The following SAMD8 variants were observed in gnomAD, a reference collection of about 807,000 sequenced individuals.
SAMD8 encodes sterile alpha motif domain containing 8.
SAMD8 carries 20 observed loss-of-function variants against 42.0 expected under a neutral mutation model. The observed-to-expected ratio is 0.48, with a 90% CI of 0.34 to 0.69. The LOEUF is 0.69. Ranked by LOEUF, SAMD8 falls within the 30% of genes least tolerant of loss-of-function variation. The probability of loss-of-function intolerance (pLI) is 0.01; values close to 1 mark genes in which losing one functional copy is unlikely to be tolerated. For missense variants in SAMD8, 328 were observed against 511.6 expected (o/e 0.64, Z 3.46); for synonymous variants, 162 against 173.0 (o/e 0.94, Z 0.50).
intron 3 of SAMD8, among the ~76,000 whole-genome samples, chr10:75,167,226 G>A (rs572340504): frequency 4.6e-5 from 7 of 152,030 alleles, no homozygotes; most frequent in Non-Finnish European, 5.9e-5. Context: ...ATGAGTATTC[G>A]ATAGCTACTA....
chr10:75,164,458 T>C, intron 2 of SAMD8, 187 bp from the exon 3 acceptor site: 1 of 966,278 alleles, frequency 1.0e-6, no homozygotes, highest in Non-Finnish European at 1.2e-6. Context: ...AAGAAACAGG[T>C]TCCGATAGGT....
chr10:75,128,576 T>C (rs570302977), intron 1 of SAMD8, among the ~76,000 whole-genome samples: 15 of 152,276 alleles, frequency 9.9e-5, no homozygotes, highest in Non-Finnish European at 2.1e-4. Flanking sequence ...AGAATACATA[T>C]GGTATTGTTC....
chr10:75,167,598 T>C (rs1840718323), intron 3 of SAMD8, among the ~76,000 whole-genome samples: 1 of 152,196 alleles, frequency 6.6e-6, no homozygotes, highest in South Asian at 2.1e-4. Flanking sequence ...TTTTGTTTTT[T>C]ATTTTTATTT....
At position 75,115,872 on chromosome 10, in the gene SAMD8, C is replaced by T. The variant is rs193112854; in HGVS notation, c.-16+4150C>T. On this transcript the variant is annotated intron_variant, in intron 1 of 5. Coordinates refer to ENST00000542569, the MANE Select transcript of SAMD8 (RefSeq NM_001174156.2). ...AGGAGAATGGCATGAACCCGAGAGG[C>T]GGAGCTTGCAGTGAGCGGAGATCAC... Among the ~76,000 whole-genome samples, 682 of 145,656 alleles carry T rather than the reference C, an allele frequency of 4.7e-3. 17 individuals carry two copies. The highest frequency in any genetic ancestry group is 9.7e-4 in the Non-Finnish European group (65 of 67,054).
intron 1 of SAMD8, among the ~76,000 whole-genome samples, chr10:75,148,644 C>T (rs1267033676): frequency 6.6e-6 from 1 of 152,138 alleles, no homozygotes; most frequent in Non-Finnish European, 1.5e-5. Flanking sequence ...TGAGCCACCG[C>T]GCCCGGCCGC....
chr10:75,108,859 A>AC, upstream of SAMD8: 1 of 1,032,588 alleles, frequency 9.7e-7, no homozygotes, highest in Non-Finnish European at 1.3e-6. Flanking sequence ...TGACCTCAGC[A>AC]CCCCCGGGGG....
chr10:75,100,812 C>A, intron 1 of SAMD8, among the ~76,000 whole-genome samples: 1 of 152,340 alleles, frequency 6.6e-6, no homozygotes, highest in Middle Eastern at 3.4e-3. Context: ...GTCACTCCCC[C>A]GTTTGCCTCT....
At chr10:75,151,296 G>A (rs1840282398) in intron 2 of SAMD8, among the ~76,000 whole-genome samples, 190 bp downstream of exon 2, 2 of 152,118 alleles carry the variant, frequency 1.3e-5, no homozygotes, top group African/African-American at 2.4e-5. Context: ...AAGCCTAGGT[G>A]TGTGAGAAAA....
At chr10:75,168,481 C>T in intron 3 of SAMD8, 60 bp from the exon 4 acceptor site, 2 of 1,590,882 alleles carry the variant, frequency 1.3e-6, no homozygotes. Context: ...TATTTGATGC[C>T]TGGGGTTTTT....
chr10:75,102,565 T>C (rs1330396507), intron 1 of SAMD8, among the ~76,000 whole-genome samples: 1 of 152,196 alleles, frequency 6.6e-6, no homozygotes, highest in Non-Finnish European at 1.5e-5. Flanking sequence ...CCCGACACTT[T>C]GGGAGGCTGA....
Position 75,168,646 on chromosome 10 carries a change from G to A in SAMD8, c.780G>A (p.Gln260=). The A allele has an allele frequency of 6.2e-7, 1 of 1,607,294 alleles. No individual in the cohort carries two copies. Among genetic ancestry groups the A allele is most frequent in the Non-Finnish European group, 8.5e-7 (1 of 1,173,772 alleles). ...TSLSVPGQHL[Q]CTGKIYGSVW... ...TCTCCGTGCCAGGACAACACCTGCA[G>A]TGTACTGGAAAGGTAGCCTGCTACC... The change falls in exon 4 of 6, where the codon CAG becomes CAA. Residue 260 remains glutamine, a synonymous_variant. Coordinates refer to ENST00000542569, the MANE Select transcript of SAMD8 (RefSeq NM_001174156.2).
chr10:75,109,193 C>T (rs551164523), upstream of SAMD8: 3 of 1,517,988 alleles, frequency 2.0e-6, no homozygotes, highest in African/African-American at 2.8e-5. Context: ...TCTGTGGTCA[C>T]TCCTCTCTGC....
At chr10:75,166,146 T>A (rs1462516723) in intron 3 of SAMD8, among the ~76,000 whole-genome samples, 1 of 152,070 alleles carries the variant, frequency 6.6e-6, no homozygotes, top group Non-Finnish European at 1.5e-5. Context: ...TATTTACTTT[T>A]ACTGCTTCTT....
intron 1 of SAMD8, among the ~76,000 whole-genome samples, chr10:75,120,632 A>G (rs1341064285): frequency 2.0e-5 from 3 of 152,176 alleles, no homozygotes; most frequent in African/African-American, 4.8e-5. Flanking sequence ...ATTAATAGTT[A>G]AATTTTATGT....
intron 1 of SAMD8, among the ~76,000 whole-genome samples, chr10:75,143,036 C>T (rs1011509574): frequency 2.0e-5 from 3 of 150,970 alleles, no homozygotes; most frequent in Admixed American, 6.7e-5. Context: ...CGGCTGGGCG[C>T]GGTGGCTCAC....
At chr10:75,111,330 T>C (rs117827640), upstream of SAMD8, 84 of 395,542 alleles carry the variant, frequency 2.1e-4, 1 homozygote, top group East Asian at 1.8e-3. Context: ...CTTCCTCCTG[T>C]CGCTTTGGCC....
In SAMD8 at chr10:75,150,644, T is replaced by A. The variant is rs1840268249; in HGVS notation, c.116T>A (p.Leu39His). The A allele has an allele frequency of 6.2e-7, 1 of 1,614,138 alleles. No individual in the cohort carries two copies. Among genetic ancestry groups the A allele is most frequent in the African/African-American group, 1.3e-5 (1 of 74,940 alleles). ...GACATTTTATGCAATAAGCACCGAC[T>A]TGATGGAATCACATTGCTAACATTG... ...YVDILCNKHRLDGITLLTLTE... is the reference protein window; with the variant it reads ...YVDILCNKHRHDGITLLTLTE... Residue 39 changes from leucine (L) to histidine (H), a missense_variant, in exon 2 of 6, where the codon CTT (leucine) becomes CAT (histidine). Coordinates refer to ENST00000542569, the MANE Select transcript of SAMD8 (RefSeq NM_001174156.2).
At chr10:75,103,622 T>C (rs1462596637) in intron 1 of SAMD8, among the ~76,000 whole-genome samples, 1 of 152,196 alleles carries the variant, frequency 6.6e-6, no homozygotes, top group African/African-American at 2.4e-5. Flanking sequence ...TACTCCCCGC[T>C]TGCACTCCCA....
intron 1 of SAMD8, among the ~76,000 whole-genome samples, chr10:75,141,538 C>CTTT (rs60925019): frequency 7.4e-6 from 1 of 134,822 alleles, no homozygotes; most frequent in Non-Finnish European, 1.6e-5. Context: ...ATGCCTTTTA[C>CTTT]TTTTTTTTTT....
Sources: gnomAD v4.1 joint callset for allele counts (sites outside exome capture counted in the v4.1 genomes callset) on GRCh38, gnomAD v4.1.1 for gene constraint, MANE v1.5 for transcripts, NCBI Gene and HGNC (gene_info 2026-07-23, HGNC 2026-07-21) for gene names.